ASAP1: variants seen among roughly 807,000 people sequenced by gnomAD.
ASAP1 encodes the protein ArfGAP with SH3 domain, ankyrin repeat and PH domain 1, also known as arf-GAP with SH3 domain, ANK repeat and PH domain-containing protein 1.
In ASAP1, 43 loss-of-function variants were observed where a neutral mutation model predicts 145.2. The ratio of observed to expected loss-of-function variants is 0.30; its 90% CI spans 0.23 to 0.38. The LOEUF is 0.38. Ranked by LOEUF, ASAP1 falls within the 10% of genes least tolerant of loss-of-function variation. ASAP1 has a pLI of 1.00. For synonymous variants in ASAP1, 546 were observed against 515.5 expected, an observed-to-expected ratio of 1.06 and a Z score of -0.80; for missense variants, 1,018 against 1,355.3, an observed-to-expected ratio of 0.75 and a Z score of 3.91.
intron 27 of ASAP1, among the ~76,000 whole-genome samples, chr8:130,062,140 T>C (rs2097420875): frequency 6.6e-6 from 1 of 152,216 alleles, no homozygotes; most frequent in Non-Finnish European, 1.5e-5. Flanking sequence ...ATTACAGTAT[T>C]ACATTCCTGT....
chr8:130,295,667 A>G (rs936434955), intron 3 of ASAP1, among the ~76,000 whole-genome samples: 13 of 152,350 alleles, frequency 8.5e-5, no homozygotes, highest in Middle Eastern at 3.4e-3. Flanking sequence ...AGCTTTTACC[A>G]TAAGCTGCAA....
intron 4 of ASAP1, among the ~76,000 whole-genome samples, chr8:130,234,102 C>T (rs1010615539): frequency 2.0e-5 from 3 of 152,070 alleles, no homozygotes; most frequent in Admixed American, 6.6e-5. Flanking sequence ...GAATCATTAT[C>T]TACTCCAAGA....
At chr8:130,227,663 T>C (rs919788009) in intron 4 of ASAP1, among the ~76,000 whole-genome samples, 2 of 149,532 alleles carry the variant, frequency 1.3e-5, no homozygotes, top group African/African-American at 2.4e-5. Context: ...TTATTATATA[T>C]ATTATACTAT....
chr8:130,264,163 A>C (rs915455797), intron 3 of ASAP1, among the ~76,000 whole-genome samples: 10 of 152,252 alleles, frequency 6.6e-5, no homozygotes, highest in African/African-American at 2.4e-4. Flanking sequence ...GAAATTTCAG[A>C]ACATCAGAGA....
intron 12 of ASAP1, among the ~76,000 whole-genome samples, chr8:130,156,848 T>C (rs1233060902): frequency 6.6e-6 from 1 of 152,184 alleles, no homozygotes; most frequent in Non-Finnish European, 1.5e-5. Flanking sequence ...CACTTTAGGG[T>C]TTGAACTATG....
chr8:130,415,206 G>C (rs1778500016), intron 1 of ASAP1, among the ~76,000 whole-genome samples: 1 of 152,230 alleles, frequency 6.6e-6, no homozygotes, highest in Admixed American at 6.5e-5. Context: ...AACTGGGGAT[G>C]CCTTTTAAAC....
rs547098418 is a variant in ASAP1 at position 130,302,351 on chromosome 8, G to A, written c.186+55666C>T. Among the ~76,000 whole-genome samples the A allele has an allele frequency of 3.3e-4, 51 of 152,268 alleles. 1 individual carries two copies. The South Asian group carries it at 3.5e-3, about 11-fold the overall frequency. On this transcript the variant is annotated intron_variant, in intron 3 of 29. Transcript: ENST00000518721. ...GTGTGTACTGGAGGTTAAGGGGCTC[G>A]TTTTTTCACAGACACAGAAAATGTG...
Position 130,076,411 on chromosome 8 carries a change from T to C in ASAP1, c.2643-5A>G. The C allele has an allele frequency of 6.2e-7, 1 of 1,604,988 alleles. No homozygotes were observed. The highest frequency in any genetic ancestry group is 8.5e-7 in the Non-Finnish European group (1 of 1,175,092). ...GCAGTCTTTGCAGAACTGGTGCTAA[T>C]CAACAAATAAGAATCATTTAGGATC... On this transcript the variant is annotated splice_polypyrimidine_tract_variant and splice_region_variant and intron_variant, in intron 26 of 29. Coordinates refer to ENST00000518721, the MANE Select transcript of ASAP1 (RefSeq NM_018482.4).
intron 2 of ASAP1, among the ~76,000 whole-genome samples, chr8:130,385,737 G>A (rs1236149128): frequency 1.3e-5 from 2 of 152,206 alleles, no homozygotes; most frequent in African/African-American, 4.8e-5. Context: ...TCAACAGCCC[G>A]CTAAGGAAGC....
At chr8:130,249,987 T>A (rs1819092367) in intron 3 of ASAP1, among the ~76,000 whole-genome samples, 1 of 152,174 alleles carries the variant, frequency 6.6e-6, no homozygotes, top group African/African-American at 2.4e-5. Flanking sequence ...TCTCTTAGCA[T>A]GCTAGATTTC....
intron 15 of ASAP1, 127 bp from the exon 16 acceptor site, chr8:130,128,217 C>T: frequency 1.7e-6 from 1 of 599,434 alleles, no homozygotes; most frequent in Non-Finnish European, 2.5e-6. Flanking sequence ...AAAAGAGAAG[C>T]CCCCTTCCAA....
At chr8:130,396,328 T>C (rs1828528335) in intron 2 of ASAP1, among the ~76,000 whole-genome samples, 1 of 152,180 alleles carries the variant, frequency 6.6e-6, no homozygotes, top group African/African-American at 2.4e-5. Context: ...GGTTTGAGTG[T>C]AGGACCTGGC....
chr8:130,250,741 T>TA (rs201171912), intron 3 of ASAP1, among the ~76,000 whole-genome samples: 5,293 of 151,886 alleles, frequency 0.035, 124 homozygotes, highest in Middle Eastern at 0.065. Flanking sequence ...TTGCTTCTCA[T>TA]AAAAAAAACT....
At chr8:130,256,739 T>TTTTATA (rs1554860124) in intron 3 of ASAP1, among the ~76,000 whole-genome samples, 1 of 95,892 alleles carries the variant, frequency 1.0e-5, no homozygotes, top group Non-Finnish European at 2.0e-5. Flanking sequence ...ATACACATTC[T>TTTTATA]TATATATATA....
chr8:130,220,319 TA>T (rs1817213496), intron 4 of ASAP1, among the ~76,000 whole-genome samples: 1 of 152,188 alleles, frequency 6.6e-6, no homozygotes, highest in Non-Finnish European at 1.5e-5. Flanking sequence ...GTTTGTTGGG[TA>T]TTGACTAAAT....
At chr8:130,062,199 AGCCT>A (rs1234975201) in intron 27 of ASAP1, among the ~76,000 whole-genome samples, 1 of 152,266 alleles carries the variant, frequency 6.6e-6, no homozygotes, top group Non-Finnish European at 1.5e-5. Context: ...CCAAGGACAT[AGCCT>A]GCACTCAGGG....
At chr8:130,118,385 C>T (rs1162990693) in intron 19 of ASAP1, 104 bp downstream of exon 19, 3 of 1,371,146 alleles carry the variant, frequency 2.2e-6, no homozygotes, top group Admixed American at 4.4e-5. Context: ...ACATGGCCAC[C>T]CAATGTATAA....
At chr8:130,056,521 A>G (rs1291202303) in intron 29 of ASAP1, among the ~76,000 whole-genome samples, 2 of 152,188 alleles carry the variant, frequency 1.3e-5, no homozygotes, top group Admixed American at 1.3e-4. Context: ...GGTCCTGACA[A>G]TCAATATTTC....
At chr8:130,155,027 C>T (rs2097655345) in intron 12 of ASAP1, among the ~76,000 whole-genome samples, 3 of 152,192 alleles carry the variant, frequency 2.0e-5, no homozygotes, top group South Asian at 4.1e-4. Context: ...ATAGGTGAGG[C>T]ATCCCTGTAT....
Sources: allele counts gnomAD v4.1 joint callset (sites outside exome capture counted in the v4.1 genomes callset), GRCh38; gene constraint gnomAD v4.1.1; transcripts MANE v1.5; gene names NCBI Gene and HGNC (gene_info 2026-07-23, HGNC 2026-07-21).